The following MRPS28 variants were observed in gnomAD, a reference collection of about 807,000 sequenced individuals.
The protein encoded by MRPS28 is small ribosomal subunit protein bS1m.
Under a neutral mutation model 10.8 loss-of-function variants are expected in MRPS28, and 7 were observed. The ratio of observed to expected loss-of-function variants is 0.65; its 90% confidence interval spans 0.37 to 1.22. MRPS28 has a LOEUF of 1.22. Ranked by LOEUF, MRPS28 falls within the 50% of genes most tolerant of loss-of-function variation. The probability of loss-of-function intolerance (pLI) is 0.02; values close to 1 mark genes in which losing one functional copy is unlikely to be tolerated. For missense variants in MRPS28, 265 were observed against 232.9 expected (o/e 1.14, Z -0.90); for synonymous variants, 121 against 93.3 (o/e 1.30, Z -1.71).
chr8:79,975,316 T>C (rs6995304), intron 2 of MRPS28, among the ~76,000 whole-genome samples: 121 of 152,088 alleles, frequency 8.0e-4, no homozygotes, highest in African/African-American at 2.8e-3. Context: ...AATTAATTAA[T>C]TAACACTGAA....
At chr8:80,018,498 G>A (rs909327812) in intron 1 of MRPS28, among the ~76,000 whole-genome samples, 1 of 152,124 alleles carries the variant, frequency 6.6e-6, no homozygotes, top group Non-Finnish European at 1.5e-5. Flanking sequence ...ATGCTGATGA[G>A]GATGTGGAGA....
intron 2 of MRPS28, among the ~76,000 whole-genome samples, chr8:79,977,309 A>C (rs1298780989): frequency 6.6e-6 from 1 of 152,178 alleles, no homozygotes; most frequent in African/African-American, 2.4e-5. Context: ...AAAATGCATT[A>C]GTTTTACAAA....
chr8:79,919,822 AGTTTT>A (rs1810025135), intron 2 of MRPS28, among the ~76,000 whole-genome samples: 1 of 152,156 alleles, frequency 6.6e-6, no homozygotes, highest in South Asian at 2.1e-4. Flanking sequence ...TTACACTTTA[AGTTTT>A]AGGGTACATG....
At chr8:79,980,741 C>CA (rs1807931182) in intron 2 of MRPS28, among the ~76,000 whole-genome samples, 1 of 152,222 alleles carries the variant, frequency 6.6e-6, no homozygotes, top group Non-Finnish European at 1.5e-5. Context: ...TTATACTCTG[C>CA]AAGGCACTAT....
At chr8:80,009,218 T>A (rs1388330171) in intron 1 of MRPS28, among the ~76,000 whole-genome samples, 1 of 152,216 alleles carries the variant, frequency 6.6e-6, no homozygotes, top group Admixed American at 6.5e-5. Context: ...TAGGTGGGAA[T>A]TGAACAGCGA....
intron 2 of MRPS28, among the ~76,000 whole-genome samples, chr8:79,984,053 C>G (rs1367523784): frequency 2.6e-5 from 4 of 151,994 alleles, no homozygotes; most frequent in Non-Finnish European, 5.9e-5. Flanking sequence ...AAAGGGAAGG[C>G]CATCAGACTA....
intron 1 of MRPS28, among the ~76,000 whole-genome samples, chr8:80,011,453 A>G (rs1246127984): frequency 6.6e-6 from 1 of 151,540 alleles, no homozygotes; most frequent in African/African-American, 2.4e-5. Context: ...CCATAGTCCA[A>G]TTAAAACTAA....
Position 80,009,355 on chromosome 8 carries a change from A to G in MRPS28, c.214-6175T>C, listed in dbSNP as rs547214949. Among the ~76,000 whole-genome samples the G allele has an allele frequency of 5.3e-5, 8 of 152,234 alleles. No individual in the cohort carries two copies. In the East Asian group the frequency reaches 1.5e-3, roughly 29 times the overall value. ...ACGAGTTAATGGGTGCAGCACACCA[A>G]CATGGCACATGTATACATATGTAAC... On this transcript the variant is annotated intron_variant, in intron 1 of 2. Coordinates refer to ENST00000276585, the MANE Select transcript of MRPS28 (RefSeq NM_014018.3).
At chr8:79,954,711 T>C (rs1275792532) in intron 2 of MRPS28, among the ~76,000 whole-genome samples, 2 of 152,232 alleles carry the variant, frequency 1.3e-5, no homozygotes, top group Non-Finnish European at 2.9e-5. Context: ...CTTGAAAACT[T>C]TGTGGGCTTT....
chr8:79,942,269 T>C (rs894676740), intron 2 of MRPS28, among the ~76,000 whole-genome samples: 3 of 152,196 alleles, frequency 2.0e-5, no homozygotes, highest in African/African-American at 7.2e-5. Flanking sequence ...CAGGCTGCAT[T>C]CAAGGGAGTG....
Position 79,993,168 on chromosome 8 carries a change from G to A in MRPS28, c.395+9831C>T, listed in dbSNP as rs563826142. 5.9e-5 allele frequency among the ~76,000 whole-genome samples: 9 copies of A among 152,310 alleles called. No homozygotes were observed. The East Asian group carries it at 1.7e-3, about 29-fold the overall frequency. The stretch of plus-strand genomic sequence containing the variant: ...AGCCTGAACCAATTGTAGGACTGCA[G>A]CCCTGATTCTTTCTCCTCTCTGTCC... On this transcript the variant is annotated intron_variant, in intron 2 of 2. Coordinates refer to ENST00000276585, the MANE Select transcript of MRPS28 (RefSeq NM_014018.3).
chr8:80,002,941 T>C, intron 2 of MRPS28, 58 bp downstream of exon 2: 2 of 1,358,502 alleles, frequency 1.5e-6, no homozygotes, highest in South Asian at 1.7e-5. Flanking sequence ...AACAATACTT[T>C]TGCGCTATCC....
intron 2 of MRPS28, among the ~76,000 whole-genome samples, chr8:79,928,208 G>A (rs1364090093): frequency 1.3e-5 from 2 of 151,828 alleles, no homozygotes; most frequent in East Asian, 3.9e-4. Context: ...GTGAGTGCCT[G>A]TAGTTCCAGC....
intron 2 of MRPS28, among the ~76,000 whole-genome samples, chr8:79,987,965 A>G (rs1212551957): frequency 1.3e-5 from 2 of 152,152 alleles, no homozygotes; most frequent in African/African-American, 4.8e-5. Flanking sequence ...ATAAAGACAC[A>G]TGCACATGTA....
chr8:80,029,850 G>A (rs1809602630), intron 1 of MRPS28, 186 bp downstream of exon 1: 1 of 1,535,102 alleles, frequency 6.5e-7, no homozygotes, highest in Non-Finnish European at 8.7e-7. Flanking sequence ...GACAACGAAA[G>A]GAAGAAAAAC....
At chr8:79,934,352 C>A (rs1806549982) in intron 2 of MRPS28, among the ~76,000 whole-genome samples, 1 of 152,082 alleles carries the variant, frequency 6.6e-6, no homozygotes, top group African/African-American at 2.4e-5. Context: ...AAGGTTTCCA[C>A]CCTTTACTAA....
intron 2 of MRPS28, among the ~76,000 whole-genome samples, chr8:79,951,028 G>T (rs1198667842): frequency 1.3e-5 from 2 of 152,156 alleles, no homozygotes; most frequent in African/African-American, 2.4e-5. Context: ...TTTCAGGAGA[G>T]GCTGGCTGCA....
Position 80,016,805 on chromosome 8 carries a change from G to A in MRPS28, c.213+13231C>T, listed in dbSNP as rs546503055. ...GCCTAAAAATAGTCAAAAACCATGA[G>A]GCAAAAACTGACAAAACTGCAAGGA... is the stretch of plus-strand genomic sequence containing the variant. On this transcript the variant is annotated intron_variant, in intron 1 of 2. Coordinates refer to ENST00000276585, the MANE Select transcript of MRPS28 (RefSeq NM_014018.3). 2.6e-5 allele frequency among the ~76,000 whole-genome samples: 4 copies of A among 152,172 alleles called. 1 individual carries two copies. The South Asian group carries it at 6.2e-4, about 24-fold the overall frequency.
intron 2 of MRPS28, among the ~76,000 whole-genome samples, chr8:79,991,949 TCTCTCTCTCTC>T (rs1808377410): frequency 2.1e-5 from 2 of 93,246 alleles, no homozygotes; most frequent in Admixed American, 1.1e-4. Context: ...TCTCTCTCTC[TCTCTCTCTCTC>T]ATCACTTACT....
Sources: gnomAD v4.1 joint callset for allele counts (sites outside exome capture counted in the v4.1 genomes callset) on GRCh38, gnomAD v4.1.1 for gene constraint, MANE v1.5 for transcripts, NCBI Gene and HGNC (gene_info 2026-07-23, HGNC 2026-07-21) for gene names.